The following NUFIP1 variants were observed in gnomAD, a reference collection of about 807,000 sequenced individuals.
NUFIP1 encodes the protein nuclear FMR1 interacting protein 1, also known as FMR1-interacting protein NUFIP1.
In NUFIP1, 38 loss-of-function variants were observed where a neutral mutation model predicts 56.2. That is an observed-to-expected ratio of 0.68 (90% CI 0.52 to 0.89). NUFIP1 has a LOEUF of 0.89. Ranked by LOEUF, NUFIP1 falls within the 40% of genes least tolerant of loss-of-function variation. The probability of loss-of-function intolerance (pLI) is 0.00; values close to 1 mark genes in which losing one functional copy is unlikely to be tolerated. For missense variants in NUFIP1, 567 were observed against 605.8 expected (o/e 0.94, Z 0.67); for synonymous variants, 215 against 212.4 (o/e 1.01, Z -0.10).
At chr13:44,965,605 A>G (rs184401970) in intron 6 of NUFIP1, among the ~76,000 whole-genome samples, 3 of 152,286 alleles carry the variant, frequency 2.0e-5, no homozygotes, top group Non-Finnish European at 4.4e-5. Context: ...GAGGCAGGAG[A>G]ATGGCACAAA....
At chr13:44,979,155 A>G (rs752304631) in intron 5 of NUFIP1, 35 bp downstream of exon 5, 2 of 1,517,330 alleles carry the variant, frequency 1.3e-6, no homozygotes, top group South Asian at 1.2e-5. Context: ...TGTCACAGTA[A>G]AACAGTTATT....
Position 44,959,367 on chromosome 13 carries a change from C to T in NUFIP1, c.1021+14G>A, listed in dbSNP as rs149875884. The T allele has an allele frequency of 2.8e-5, 45 of 1,608,936 alleles. No homozygotes were observed. The African/African-American group carries it at 4.5e-4, about 16-fold the overall frequency. On this transcript the variant is annotated intron_variant, in intron 7 of 9. Coordinates refer to ENST00000379161, the MANE Select transcript of NUFIP1 (RefSeq NM_012345.3). The stretch of plus-strand genomic sequence containing the variant: ...TATACACTTATAAATACGTTATTTT[C>T]CTGTTTAGCTTACCAGAATCACTGT...
At position 44,959,594 on chromosome 13, in the gene NUFIP1, A is replaced by C; in HGVS notation, c.828-20T>G. 6.3e-7 allele frequency: 1 copy of C among 1,586,352 alleles called. No individual in the cohort carries two copies. Among genetic ancestry groups the C allele is most frequent in the Non-Finnish European group, 8.5e-7 (1 of 1,170,152 alleles). On this transcript the variant is annotated intron_variant, in intron 6 of 9. Coordinates refer to ENST00000379161, the MANE Select transcript of NUFIP1 (RefSeq NM_012345.3). ...ATCTTGCTGGAGTAAGAAAATTGCA[A>C]TTTTTAATATAAAAGGCACTGACCT... is the stretch of plus-strand genomic sequence containing the variant.
At chr13:44,961,690 A>G (rs1871429352) in intron 6 of NUFIP1, among the ~76,000 whole-genome samples, 1 of 152,224 alleles carries the variant, frequency 6.6e-6, no homozygotes, top group African/African-American at 2.4e-5. Context: ...TGTCACTGCA[A>G]AGAAAACAGG....
rs137890512 is a variant in NUFIP1, at chr13:44,974,464, A to G, written c.734+4726T>C. ...ATCACAGTGAGCTGGACGGATGGAA[A>G]GAGGAGTATGTCCAACTTTAGAATC... On this transcript the variant is annotated intron_variant, in intron 5 of 9. Transcript: ENST00000379161. Among the ~76,000 whole-genome samples, 69 of 152,368 alleles carry G rather than the reference A, an allele frequency of 4.5e-4. No homozygotes were observed. The East Asian group carries it at 0.011, about 25-fold the overall frequency.
intron 8 of NUFIP1, among the ~76,000 whole-genome samples, chr13:44,948,750 AG>A (rs1277399430): frequency 6.6e-6 from 1 of 152,236 alleles, no homozygotes; most frequent in African/African-American, 2.4e-5. Flanking sequence ...GAGATGCTGA[AG>A]GAAATTAAAC....
chr13:44,942,454 T>TG (rs1458408445), intron 9 of NUFIP1, among the ~76,000 whole-genome samples: 1 of 152,184 alleles, frequency 6.6e-6, no homozygotes, highest in African/African-American at 2.4e-5. Context: ...GTATACAAAA[T>TG]GGAGCGTATA....
chr13:44,942,639 C>T (rs893492362), intron 9 of NUFIP1, among the ~76,000 whole-genome samples: 3 of 152,098 alleles, frequency 2.0e-5, no homozygotes, highest in Non-Finnish European at 2.9e-5. Flanking sequence ...ACTTCTATTG[C>T]TTAGACATGA....
At chr13:44,974,294 G>A (rs573473399) in intron 5 of NUFIP1, among the ~76,000 whole-genome samples, 48 of 152,310 alleles carry the variant, frequency 3.2e-4, no homozygotes, top group Admixed American at 5.9e-4. Flanking sequence ...GAGTGCAATG[G>A]AGGATAATGG....
chr13:44,984,909 T>C (rs1445400652), intron 1 of NUFIP1, among the ~76,000 whole-genome samples: 7 of 152,156 alleles, frequency 4.6e-5, no homozygotes, highest in Non-Finnish European at 1.0e-4. Context: ...CCTTCCTGTG[T>C]CCATGTGTTC....
At chr13:44,967,044 G>C (rs1445257545) in intron 5 of NUFIP1, among the ~76,000 whole-genome samples, 1 of 151,278 alleles carries the variant, frequency 6.6e-6, no homozygotes. Context: ...GATAAGAAAA[G>C]CACACAAATA....
chr13:44,989,305 C>A lies in NUFIP1; in HGVS notation c.132G>T (p.Pro44=), dbSNP rs1217007500. Residue 44 remains proline (P), a synonymous_variant, in exon 1 of 10, where the codon CCG becomes CCT. Transcript: ENST00000379161. Reference sequence around the variant, plus strand: ...AGGACGTAAGTGGTGGTGGCGGTGGCGGCAGCATTGCCCAGAACATCCAGC... The same window carrying A: ...AGGACGTAAGTGGTGGTGGCGGTGGAGGCAGCATTGCCCAGAACATCCAGC... ...RDSWMFWAML[P]PPPPPLTSSL... 1.9e-6 allele frequency: 3 copies of A among 1,612,964 alleles called. No homozygotes were observed. The highest frequency in any genetic ancestry group is 3.3e-5 in the Admixed American group (2 of 59,910).
At chr13:44,970,828 C>T (rs1164407340) in intron 5 of NUFIP1, among the ~76,000 whole-genome samples, 2 of 152,100 alleles carry the variant, frequency 1.3e-5, no homozygotes, top group African/African-American at 4.8e-5. Context: ...GTGCGTGCCA[C>T]GATGCCCAGC....
intron 5 of NUFIP1, among the ~76,000 whole-genome samples, chr13:44,978,680 T>C (rs1286319952): frequency 6.6e-6 from 1 of 152,134 alleles, no homozygotes; most frequent in Non-Finnish European, 1.5e-5. Flanking sequence ...GTATCTCTTA[T>C]CCTTAGCACC....
chr13:44,976,328 A>G (rs1871975876), intron 5 of NUFIP1, among the ~76,000 whole-genome samples: 1 of 151,860 alleles, frequency 6.6e-6, no homozygotes, highest in African/African-American at 2.4e-5. Flanking sequence ...GAGGAGAAGA[A>G]AGGAGGAAGG....
At chr13:44,980,074 T>TC in intron 3 of NUFIP1, 122 bp from the exon 4 acceptor site, 2 of 634,086 alleles carry the variant, frequency 3.2e-6, no homozygotes, top group Non-Finnish European at 2.6e-6. Flanking sequence ...CTGTATAGTA[T>TC]TATCTCTGCA....
intron 5 of NUFIP1, among the ~76,000 whole-genome samples, chr13:44,969,939 T>C (rs1280251123): frequency 1.3e-5 from 2 of 152,224 alleles, no homozygotes; most frequent in Non-Finnish European, 2.9e-5. Flanking sequence ...TTTCTGAACA[T>C]CAAAAAGATA....
At chr13:44,955,936 G>A (rs1347145685) in intron 7 of NUFIP1, among the ~76,000 whole-genome samples, 1 of 151,910 alleles carries the variant, frequency 6.6e-6, no homozygotes, top group Non-Finnish European at 1.5e-5. Flanking sequence ...GAGGTCAGGA[G>A]ATCGAGACCA....
chr13:44,946,463 TA>T (rs554284189), intron 8 of NUFIP1, among the ~76,000 whole-genome samples: 18 of 152,240 alleles, frequency 1.2e-4, no homozygotes, highest in African/African-American at 3.6e-4. Flanking sequence ...CTAACACAGT[TA>T]AAAAAATGCT....
Sources: gnomAD v4.1 joint callset for allele counts (sites outside exome capture counted in the v4.1 genomes callset) on GRCh38, gnomAD v4.1.1 for gene constraint, MANE v1.5 for transcripts, NCBI Gene and HGNC (gene_info 2026-07-23, HGNC 2026-07-21) for gene names.